Variants in PLPPR5 observed in about 807,000 individuals in gnomAD.
PLPPR5 encodes phospholipid phosphatase related 5.
A neutral mutation model predicts 33.9 loss-of-function variants in PLPPR5; 16 were observed. The ratio of observed to expected loss-of-function variants is 0.47; its 90% CI spans 0.32 to 0.72. The LOEUF (loss-of-function observed/expected upper bound fraction) is 0.72. PLPPR5 is among the 30% of genes least tolerant of loss of function. The pLI is 0.03. For missense variants in PLPPR5, 301 were observed against 406.7 expected, an observed-to-expected ratio of 0.74 and a Z score of 2.23; for synonymous variants, 163 against 150.3, an observed-to-expected ratio of 1.08 and a Z score of -0.62.
intron 2 of PLPPR5, 72 bp from the exon 3 acceptor site, chr1:98,953,392 T>TGTGTGTGA (rs1553169382): frequency 0.027 from 40,297 of 1,468,298 alleles, 1,170 homozygotes; most frequent in East Asian, 0.17. Flanking sequence ...TGTGTGTGTG[T>TGTGTGTGA]GTGAATTTCA....
At chr1:98,919,118 C>A (rs1361165435) in intron 4 of PLPPR5, among the ~76,000 whole-genome samples, 1 of 152,176 alleles carries the variant, frequency 6.6e-6, no homozygotes, top group Non-Finnish European at 1.5e-5. Context: ...GGAAAGGAAT[C>A]CTCAAGGAGG....
At chr1:98,898,153 G>A (rs1263356231) in intron 5 of PLPPR5, among the ~76,000 whole-genome samples, 1 of 152,036 alleles carries the variant, frequency 6.6e-6, no homozygotes, top group Non-Finnish European at 1.5e-5. Flanking sequence ...TCTGTTGTGA[G>A]GCAATTTATA....
At chr1:98,979,564 G>A (rs894165381) in intron 1 of PLPPR5, among the ~76,000 whole-genome samples, 1 of 152,008 alleles carries the variant, frequency 6.6e-6, no homozygotes, top group African/African-American at 2.4e-5. Context: ...AGATTGTTTG[G>A]TTCCATATCA....
At chr1:98,935,777 T>G (rs1472889349) in intron 3 of PLPPR5, among the ~76,000 whole-genome samples, 1 of 152,184 alleles carries the variant, frequency 6.6e-6, no homozygotes, top group East Asian at 1.9e-4. Context: ...GATTACTTGC[T>G]CACTCTTTAC....
chr1:98,967,363 G>A (rs1003165084), intron 1 of PLPPR5, among the ~76,000 whole-genome samples: 1 of 152,050 alleles, frequency 6.6e-6, no homozygotes, highest in African/African-American at 2.4e-5. Flanking sequence ...TTTAAAATGG[G>A]GAGGCCATCA....
intron 1 of PLPPR5, among the ~76,000 whole-genome samples, chr1:98,982,110 G>C (rs534133973): frequency 6.6e-6 from 1 of 152,162 alleles, no homozygotes; most frequent in African/African-American, 2.4e-5. Flanking sequence ...CAGAGATCCT[G>C]AGTGACAATA....
At chr1:98,943,935 C>T (rs1650465597) in intron 3 of PLPPR5, among the ~76,000 whole-genome samples, 1 of 152,146 alleles carries the variant, frequency 6.6e-6, no homozygotes. Context: ...CAGGCAATTC[C>T]TTACATCACA....
intron 1 of PLPPR5, among the ~76,000 whole-genome samples, chr1:98,976,388 C>T (rs1651855197): frequency 6.6e-6 from 1 of 151,996 alleles, no homozygotes; most frequent in Non-Finnish European, 1.5e-5. Context: ...ATGTTTGAAA[C>T]AGGTACTGTA....
Position 98,914,777 on chromosome 1 carries a change from G to A in PLPPR5, c.933+9C>T. 6.3e-7 allele frequency: 1 copy of A among 1,596,954 alleles called. No homozygotes were observed. The highest frequency in any genetic ancestry group is 8.5e-7 in the Non-Finnish European group (1 of 1,172,864). ...GTTATTATAATTTAGAATTTAAATT[G>A]TGAGTCACCTGTACAGATGTTACCT... is the stretch of plus-strand genomic sequence containing the variant. On this transcript the variant is annotated intron_variant, in intron 5 of 5. Coordinates refer to ENST00000263177, the MANE Select transcript of PLPPR5 (RefSeq NM_001037317.2).
chr1:98,922,635 G>A (rs1422000446), intron 3 of PLPPR5, among the ~76,000 whole-genome samples: 1 of 152,204 alleles, frequency 6.6e-6, no homozygotes. Flanking sequence ...GTTGTTAAAT[G>A]AAATTGTGAA....
intron 3 of PLPPR5, among the ~76,000 whole-genome samples, chr1:98,933,051 T>C (rs1650041147): frequency 6.6e-6 from 1 of 152,094 alleles, no homozygotes; most frequent in African/African-American, 2.4e-5. Context: ...TAAAACACAT[T>C]CACATTTCTA....
At chr1:98,988,018 T>C (rs1278810835) in intron 1 of PLPPR5, among the ~76,000 whole-genome samples, 2 of 152,112 alleles carry the variant, frequency 1.3e-5, no homozygotes, top group Non-Finnish European at 2.9e-5. Context: ...ATAAAGTTAT[T>C]TGCACAAGTG....
In PLPPR5 at chr1:98,956,569, C is replaced by T. The variant is rs893775332; in HGVS notation, c.370+40G>A. 2.0e-6 allele frequency: 3 copies of T among 1,515,970 alleles called. No homozygotes were observed. The African/African-American group carries it at 4.3e-5, about 22-fold the overall frequency. 93.9% of individuals were successfully genotyped at this position (1,515,970 alleles called of 1,614,324 possible). On this transcript the variant is annotated intron_variant, in intron 2 of 5. Transcript: ENST00000263177. ...TTAAGGTTTAGCTTACACATAGACA[C>T]TGTTTCAGAAATATTAAAAATAATT...
chr1:98,936,066 C>A (rs947728848), intron 3 of PLPPR5, among the ~76,000 whole-genome samples: 3 of 152,160 alleles, frequency 2.0e-5, no homozygotes, highest in African/African-American at 7.2e-5. Context: ...CCAGCATATA[C>A]CAGCTGTGTG....
At chr1:98,999,430 G>C (rs138803115) in intron 1 of PLPPR5, among the ~76,000 whole-genome samples, 11 of 152,296 alleles carry the variant, frequency 7.2e-5, no homozygotes, top group African/African-American at 2.6e-4. Context: ...ACCCAAGAAG[G>C]CTCCAGAGTC....
chr1:98,962,414 T>G (rs1258939119), intron 1 of PLPPR5, among the ~76,000 whole-genome samples: 1 of 152,188 alleles, frequency 6.6e-6, no homozygotes, highest in East Asian at 1.9e-4. Context: ...AGAGATCTTA[T>G]TCCTTCTAAC....
chr1:98,919,535 G>A (rs1283967981), intron 4 of PLPPR5, among the ~76,000 whole-genome samples: 1 of 152,150 alleles, frequency 6.6e-6, no homozygotes, highest in African/African-American at 2.4e-5. Flanking sequence ...TCCCAAATGA[G>A]AAAACTGGGA....
intron 4 of PLPPR5, among the ~76,000 whole-genome samples, chr1:98,915,142 A>G (rs112604933): frequency 0.018 from 2,687 of 152,290 alleles, 86 homozygotes; most frequent in African/African-American, 0.061. Flanking sequence ...AAGAAAACTC[A>G]TCGGTTAATA....
intron 3 of PLPPR5, among the ~76,000 whole-genome samples, chr1:98,952,443 T>C (rs1450590598): frequency 6.6e-6 from 1 of 152,128 alleles, no homozygotes; most frequent in Non-Finnish European, 1.5e-5. Context: ...TTTTTCCTTC[T>C]GCATATGGGT....
Sources: allele counts gnomAD v4.1 joint callset (sites outside exome capture counted in the v4.1 genomes callset), GRCh38; gene constraint gnomAD v4.1.1; transcripts MANE v1.5; gene names NCBI Gene and HGNC (gene_info 2026-07-23, HGNC 2026-07-21).